OXNAD1: variants seen among roughly 807,000 people sequenced by gnomAD.
OXNAD1 encodes oxidoreductase NAD binding domain containing 1.
Under a neutral mutation model 32.9 loss-of-function variants are expected in OXNAD1, and 34 were observed. The observed-to-expected ratio is 1.03, with a 90% confidence interval of 0.79 to 1.38. OXNAD1 has a LOEUF of 1.38. Among genes scored for constraint, OXNAD1 ranks in the 40% most tolerant of loss-of-function variants. OXNAD1 has a pLI of 0.00. For missense variants in OXNAD1, 407 were observed against 379.4 expected, an observed-to-expected ratio of 1.07 and a Z score of -0.60; for synonymous variants, 134 against 135.2, an observed-to-expected ratio of 0.99 and a Z score of 0.06.
downstream of OXNAD1, among the ~76,000 whole-genome samples, chr3:16,351,790 A>C (rs999323855): frequency 6.6e-6 from 1 of 152,234 alleles, no homozygotes; most frequent in Non-Finnish European, 1.5e-5. The surrounding 1 kb of genome is among the most constrained non-coding windows in gnomAD (Gnocchi z 5.4). Flanking sequence ...ACTAAGTTGA[A>C]TTCCTTGAAT....
chr3:16,302,797 G>T lies in OXNAD1; in HGVS notation c.784+49G>T. On this transcript the variant is annotated intron_variant, in intron 8 of 8. Transcript: ENST00000285083. The surrounding 1 kb of genome is among the most constrained non-coding windows in gnomAD (Gnocchi z 4.2). ...ACTATCTCCATGCAGTTATTTGATG[G>T]ACACACCAGTTGGTTGAGCGTAGAT... The T allele has an allele frequency of 2.9e-6, 4 of 1,391,842 alleles. No homozygotes were observed. The highest frequency in any genetic ancestry group is 1.2e-5 in the South Asian group (1 of 83,216). The allele number at this position is 1,391,842 out of a possible 1,614,324, so 86.2% of individuals were successfully genotyped here.
At position 16,335,548 on chromosome 3, in the gene OXNAD1, G is replaced by T. The variant is rs2070760820; in HGVS notation, c.*31-1564G>T. Among the ~76,000 whole-genome samples the T allele has an allele frequency of 6.6e-6, 1 of 152,204 alleles. No individual in the cohort carries two copies. Among genetic ancestry groups the T allele is most frequent in the Non-Finnish European group, 1.5e-5 (1 of 68,034 alleles). On this transcript the variant is annotated intron_variant, in intron 9 of 9. Transcript: ENST00000435829. The surrounding 1 kb of genome is among the most constrained non-coding windows in gnomAD (Gnocchi z 4.7). ...ACACCACATGTTCTCACTTACAAGTGGGAGAGCTGAACGGTGAAAACACAT... is the reference window on the plus strand; with the variant it reads ...ACACCACATGTTCTCACTTACAAGTTGGAGAGCTGAACGGTGAAAACACAT...
In OXNAD1 at chr3:16,299,867, C is replaced by A. The variant is rs915272445; in HGVS notation, c.433-1759C>A. On this transcript the variant is annotated intron_variant, in intron 6 of 8. Coordinates refer to ENST00000285083, the MANE Select transcript of OXNAD1 (RefSeq NM_138381.5). The surrounding 1 kb of genome is among the most constrained non-coding windows in gnomAD (Gnocchi z 4.4). Reference sequence around the variant, plus strand: ...GGAAGAAGGAAGCTGGTATTGCCAGCACTTTTTCTTTTGTGACAGCTGCAA... The same window carrying A: ...GGAAGAAGGAAGCTGGTATTGCCAGAACTTTTTCTTTTGTGACAGCTGCAA... 1.3e-5 allele frequency among the ~76,000 whole-genome samples: 2 copies of A among 152,200 alleles called. No individual in the cohort carries two copies. Among genetic ancestry groups the A allele is most frequent in the Admixed American group, 6.5e-5 (1 of 15,272 alleles).
Position 16,324,621 on chromosome 3 carries a change from C to CCCCCG in OXNAD1, c.*31-12490_*31-12489insCCCGC, listed in dbSNP as rs957893120. On this transcript the variant is annotated intron_variant, in intron 9 of 9. Transcript: ENST00000435829. ...ATAACAGAATGTCCCTGACCCCCCC[C>CCCCCG]CTTTTAAGGTTGCATAGTATTCCAT... is the stretch of plus-strand genomic sequence containing the variant. Among the ~76,000 whole-genome samples the CCCCCG allele has an allele frequency of 1.8e-4, 25 of 136,608 alleles. 1 individual carries two copies. Among genetic ancestry groups the CCCCCG allele is most frequent in the Admixed American group, 2.2e-4 (3 of 13,764 alleles). 89.6% of individuals were successfully genotyped at this position (136,608 alleles called of 152,430 possible). A position where few individuals can be genotyped will look rare whatever the true frequency, so the allele number is the denominator to read the frequency against.
rs899668048 is a variant in OXNAD1, at chr3:16,284,941, C to A, written c.184-1401C>A. ...TAATCTTTGATGAAACAGGAATGTA[C>A]TAAAGGGAGGAAAATTGAACATGAA... On this transcript the variant is annotated intron_variant, in intron 4 of 8. Transcript: ENST00000285083. The surrounding 1 kb of genome is among the most constrained non-coding windows in gnomAD (Gnocchi z 4.1). Among the ~76,000 whole-genome samples, 3 of 152,114 alleles carry A rather than the reference C, an allele frequency of 2.0e-5. No homozygotes were observed. The highest frequency in any genetic ancestry group is 7.2e-5 in the African/African-American group (3 of 41,416).
At position 16,265,948 on chromosome 3, in the gene OXNAD1, C is replaced by G; in HGVS notation, c.-159+443C>G. On this transcript the variant is annotated intron_variant, in intron 1 of 8. Transcript: ENST00000285083. This position sits in a 1 kb window ranked among gnomAD's most constrained non-coding sequence, Gnocchi z 4.8. ...CCTATGTATGCCTTGAAGCGAAATG[C>G]AGATAAAAGGCATTTTTGTCTTGAA... 1.0e-6 allele frequency: 1 copy of G among 963,940 alleles called. No individual in the cohort carries two copies. Among genetic ancestry groups the G allele is most frequent in the Non-Finnish European group, 1.2e-6 (1 of 810,440 alleles). 59.7% of individuals were successfully genotyped at this position (963,940 alleles called of 1,614,324 possible). A position where few individuals can be genotyped will look rare whatever the true frequency, so the allele number is the denominator to read the frequency against.
chr3:16,301,833 T>G lies in OXNAD1; in HGVS notation c.640T>G (p.Tyr214Asp). ...GYEIGTIKLF[Y>D]SAKNTSELLF... Reference sequence around the variant, plus strand: ...TGAGATAGGAACAATAAAACTATTCTACAGTGCAAAAAATACCAGCGAACT... The same window carrying G: ...TGAGATAGGAACAATAAAACTATTCGACAGTGCAAAAAATACCAGCGAACT... Residue 214 changes from tyrosine to aspartate, a missense_variant, in exon 7 of 9, where the codon TAC becomes GAC. By Grantham distance (160) the Tyr-to-Asp change is radical (BLOSUM62 -3). Coordinates refer to ENST00000285083, the MANE Select transcript of OXNAD1 (RefSeq NM_138381.5). This position sits in a 1 kb window ranked among gnomAD's most constrained non-coding sequence, Gnocchi z 4.1. The G allele has an allele frequency of 6.2e-7, 1 of 1,614,044 alleles. No homozygotes were observed. Among genetic ancestry groups the G allele is most frequent in the Non-Finnish European group, 8.5e-7 (1 of 1,179,930 alleles).
At position 16,303,653 on chromosome 3, in the gene OXNAD1, C is replaced by T; in HGVS notation, c.*91C>T. On this transcript the variant is annotated 3_prime_UTR_variant, in exon 9 of 9. Coordinates refer to ENST00000285083, the MANE Select transcript of OXNAD1 (RefSeq NM_138381.5). This position sits in a 1 kb window ranked among gnomAD's most constrained non-coding sequence, Gnocchi z 4.8. The stretch of plus-strand genomic sequence containing the variant: ...GCATGATTAATTTTTTTTATCTCTA[C>T]TTGAGTTGTCTTATTTTTTAAGGCT... The T allele has an allele frequency of 1.1e-5, 14 of 1,325,758 alleles. No homozygotes were observed. Among genetic ancestry groups the T allele is most frequent in the African/African-American group, 1.5e-5 (1 of 66,794 alleles). 82.1% of individuals were successfully genotyped at this position (1,325,758 alleles called of 1,614,324 possible).
At chr3:16,325,495 T>C (rs929423237) in intron 9 of OXNAD1, among the ~76,000 whole-genome samples, 1 of 152,160 alleles carries the variant, frequency 6.6e-6, no homozygotes, top group African/African-American at 2.4e-5. Context: ...CTTCTGGAAA[T>C]TGACCAGGAA....
intron 4 of OXNAD1, among the ~76,000 whole-genome samples, chr3:16,281,712 C>T (rs1441446055): frequency 1.3e-5 from 2 of 152,048 alleles, no homozygotes; most frequent in Admixed American, 1.3e-4. Context: ...TTCACATAGC[C>T]TAGCACTTGA....
downstream of OXNAD1, among the ~76,000 whole-genome samples, chr3:16,306,322 GTTC>G (rs904691669): frequency 5.1e-4 from 77 of 152,250 alleles, no homozygotes; most frequent in African/African-American, 1.8e-3. Context: ...TTGTGGGGGT[GTTC>G]TTCTTGCTGG....
chr3:16,297,032 T>C lies in OXNAD1; in HGVS notation c.432+2035T>C, dbSNP rs954207327. ...TAAAACTTTTTCTACAAAAGGCATTTAACACAATTTAAAAACAAGCTACAG... is the reference window on the plus strand; with the variant it reads ...TAAAACTTTTTCTACAAAAGGCATTCAACACAATTTAAAAACAAGCTACAG... On this transcript the variant is annotated intron_variant, in intron 6 of 8. Transcript: ENST00000285083. This position sits in a 1 kb window ranked among gnomAD's most constrained non-coding sequence, Gnocchi z 4.3. 4.6e-5 allele frequency among the ~76,000 whole-genome samples: 7 copies of C among 152,164 alleles called. No individual in the cohort carries two copies. Among genetic ancestry groups the C allele is most frequent in the African/African-American group, 1.7e-4 (7 of 41,448 alleles).
chr3:16,281,239 T>TA (rs2065717249), intron 4 of OXNAD1, among the ~76,000 whole-genome samples: 1 of 152,232 alleles, frequency 6.6e-6, no homozygotes. Flanking sequence ...AGCATGTCTT[T>TA]AAAAATAATG....
rs185688579 is a variant in OXNAD1, at chr3:16,319,726, G to A, written c.*30+16134G>A. ...TATAATACAAAACGAGAACACAAAT[G>A]GTAGAAAACAAACAACAAAAACTGT... On this transcript the variant is annotated intron_variant, in intron 9 of 9. Coordinates refer to the OXNAD1 transcript ENST00000435829. Among the ~76,000 whole-genome samples the A allele has an allele frequency of 5.9e-5, 9 of 152,292 alleles. No homozygotes were observed. In the East Asian group the frequency reaches 1.7e-3, roughly 29 times the overall value.
downstream of OXNAD1, among the ~76,000 whole-genome samples, chr3:16,342,187 G>C (rs2071360528): frequency 6.6e-6 from 1 of 151,732 alleles, no homozygotes; most frequent in Non-Finnish European, 1.5e-5. This position sits in a 1 kb window ranked among gnomAD's most constrained non-coding sequence, Gnocchi z 4.0. Flanking sequence ...GTACCTATTA[G>C]CAGTCACTCC....
At chr3:16,266,202 G>C (rs559993542) in intron 1 of OXNAD1, among the ~76,000 whole-genome samples, 83 of 152,270 alleles carry the variant, frequency 5.5e-4, no homozygotes, top group Non-Finnish European at 6.9e-4. Context: ...GATGATATAA[G>C]ATCCTTTTTA....
In OXNAD1 at chr3:16,321,427, T is replaced by A. The variant is rs2125188120; in HGVS notation, c.*31-15685T>A. 1.3e-5 allele frequency among the ~76,000 whole-genome samples: 2 copies of A among 152,152 alleles called. No homozygotes were observed. Among genetic ancestry groups the A allele is most frequent in the South Asian group, 2.1e-4 (1 of 4,814 alleles). The stretch of plus-strand genomic sequence containing the variant: ...TCAGGGAGTGGGGGTGGTCCCAACA[T>A]CCGGGCTGCAAGAGCTCAGGCATGA... On this transcript the variant is annotated intron_variant, in intron 9 of 9. Transcript: ENST00000435829. This position sits in a 1 kb window ranked among gnomAD's most constrained non-coding sequence, Gnocchi z 4.8.
At position 16,284,589 on chromosome 3, in the gene OXNAD1, G is replaced by A. The variant is rs546968544; in HGVS notation, c.184-1753G>A. On this transcript the variant is annotated intron_variant, in intron 4 of 8. Transcript: ENST00000285083. This position sits in a 1 kb window ranked among gnomAD's most constrained non-coding sequence, Gnocchi z 4.1. ...GATCACCTTGTATATGTGCTTTGTC[G>A]TTGACCAAAATGTCGTTGCACAGCA... is the stretch of plus-strand genomic sequence containing the variant. 4.6e-5 allele frequency among the ~76,000 whole-genome samples: 7 copies of A among 152,302 alleles called. No individual in the cohort carries two copies. Among genetic ancestry groups the A allele is most frequent in the Non-Finnish European group, 7.4e-5 (5 of 68,014 alleles).
chr3:16,272,023 A>G, intron 4 of OXNAD1: 1 of 502,828 alleles, frequency 2.0e-6, no homozygotes, highest in Non-Finnish European at 3.6e-6. Context: ...ATGTTTTAGC[A>G]CTAGAACTTC....
Sources: gnomAD v4.1 joint callset for allele counts (sites outside exome capture counted in the v4.1 genomes callset) on GRCh38, gnomAD v4.1.1 for gene constraint, Gnocchi (gnomAD v3.1) non-coding constraint, MANE v1.5 for transcripts, NCBI Gene and HGNC (gene_info 2026-07-23, HGNC 2026-07-21) for gene names.